The following KLHL23 variants were observed in gnomAD, a reference collection of about 807,000 sequenced individuals.
The protein encoded by KLHL23 is kelch-like protein 23.
In KLHL23, 33 loss-of-function variants were observed where a neutral mutation model predicts 48.9. That is an observed-to-expected ratio of 0.67 (90% CI 0.51 to 0.90). The LOEUF (loss-of-function observed/expected upper bound fraction) is 0.90. Ranked by LOEUF, KLHL23 falls within the 40% of genes least tolerant of loss-of-function variation. The pLI is 0.00. For missense variants in KLHL23, 608 were observed against 669.6 expected (o/e 0.91, Z 1.02); for synonymous variants, 234 against 231.6 (o/e 1.01, Z -0.09).
intron 2 of KLHL23, among the ~76,000 whole-genome samples, chr2:169,738,848 CTTCCTCACCCT>C (rs1688588224): frequency 7.5e-4 from 3 of 4,020 alleles, no homozygotes; most frequent in African/African-American, 1.1e-3. Context: ...TCCCCCTCCC[CTTCCTCACCCT>C]CCCCTCTCTT....
rs908233237 is a variant in KLHL23 at position 169,751,800 on chromosome 2, C to T, written c.*2068C>T. On this transcript the variant is annotated 3_prime_UTR_variant, in exon 4 of 4. Coordinates refer to ENST00000392647, the MANE Select transcript of KLHL23 (RefSeq NM_144711.6). ...AAACAAATTCATTGTGTTAGTGTAG[C>T]GGGATATGGAATGACTTTATTTATT... 4.6e-5 allele frequency: 7 copies of T among 152,026 alleles called. No homozygotes were observed. Among genetic ancestry groups the T allele is most frequent in the African/African-American group, 1.4e-4 (6 of 41,386 alleles). 9.4% of individuals were successfully genotyped at this position (152,026 alleles called of 1,614,324 possible). A position where few individuals can be genotyped will look rare whatever the true frequency, so the allele number is the denominator to read the frequency against.
intron 3 of KLHL23, among the ~76,000 whole-genome samples, chr2:169,745,381 C>T (rs1490712479): frequency 3.9e-5 from 6 of 151,904 alleles, no homozygotes; most frequent in East Asian, 1.9e-4. Flanking sequence ...GGCATGGTGG[C>T]GGGCACCTGT....
chr2:169,741,342 A>G (rs1688672191), intron 2 of KLHL23, 43 bp from the exon 3 acceptor site: 2 of 1,565,020 alleles, frequency 1.3e-6, no homozygotes, highest in African/African-American at 1.4e-5. Context: ...TGCAAAAAAG[A>G]ACAAAAGATC....
chr2:169,736,327 A>C, intron 2 of KLHL23, 100 bp downstream of exon 2: 1 of 1,437,806 alleles, frequency 7.0e-7, no homozygotes, highest in Non-Finnish European at 9.3e-7. Context: ...GCTATCTAGG[A>C]ACTATAGTTA....
At chr2:169,736,586 C>A (rs182080381) in intron 2 of KLHL23, among the ~76,000 whole-genome samples, 10 of 152,280 alleles carry the variant, frequency 6.6e-5, no homozygotes, top group Admixed American at 6.5e-4. Flanking sequence ...AAGGTTTGGT[C>A]CCTACAGGAT....
intron 2 of KLHL23, among the ~76,000 whole-genome samples, chr2:169,740,766 TTATATATATA>T (rs55779546): frequency 8.0e-6 from 1 of 125,516 alleles, no homozygotes; most frequent in African/African-American, 3.0e-5. Flanking sequence ...CTTTTTTATA[TTATATATATA>T]TATATATATA....
chr2:169,741,648 C>T, intron 3 of KLHL23, 111 bp downstream of exon 3: 6 of 1,301,220 alleles, frequency 4.6e-6, no homozygotes, highest in Non-Finnish European at 1.0e-6. Flanking sequence ...GTAGACTACA[C>T]ATGGGTAGAA....
At chr2:169,738,227 A>G (rs1455113706) in intron 2 of KLHL23, among the ~76,000 whole-genome samples, 2 of 152,042 alleles carry the variant, frequency 1.3e-5, no homozygotes, top group Non-Finnish European at 2.9e-5. Context: ...TGGTGGGTGG[A>G]CTCATACAGA....
At chr2:169,734,642 G>A (rs1016612899) in intron 1 of KLHL23, among the ~76,000 whole-genome samples, 4 of 152,204 alleles carry the variant, frequency 2.6e-5, no homozygotes, top group African/African-American at 2.4e-5. Context: ...GGTTGAATTG[G>A]GGCCGAGCCG....
chr2:169,736,096 A>G lies in KLHL23; in HGVS notation c.1082A>G (p.Tyr361Cys), dbSNP rs1341558932. 1.9e-6 allele frequency: 3 copies of G among 1,614,192 alleles called. No homozygotes were observed. Among genetic ancestry groups the G allele is most frequent in the Admixed American group, 3.3e-5 (2 of 60,022 alleles). ...EGLPMLNARYYHCAVTLGGCV... is the reference protein window; with the variant it reads ...EGLPMLNARYCHCAVTLGGCV... ...TTGCCAATGCTCAATGCCAGGTATTACCACTGTGCAGTCACCTTGGGTGGC... is the reference window on the plus strand; with the variant it reads ...TTGCCAATGCTCAATGCCAGGTATTGCCACTGTGCAGTCACCTTGGGTGGC... Residue 361 changes from tyrosine (Y) to cysteine (C), a missense_variant, in exon 2 of 4, where the codon TAC becomes TGC. This residue lies in a region of KLHL23 where 419 missense variants were observed against 473.1 expected (regional missense o/e 0.89). Coordinates refer to ENST00000392647, the MANE Select transcript of KLHL23 (RefSeq NM_144711.6).
chr2:169,736,197 A>G lies in KLHL23; in HGVS notation c.1183A>G (p.Lys395Glu). 3.1e-6 allele frequency: 5 copies of G among 1,609,404 alleles called. No individual in the cohort carries two copies. The highest frequency in any genetic ancestry group is 4.2e-6 in the Non-Finnish European group (5 of 1,178,410). ...EAEFYDPLKE[K>E]WIPIANMIKG... ...TGAGTTCTATGATCCTTTAAAAGAGAAATGGATTCCTATTGCAAACATGAT... is the reference window on the plus strand; with the variant it reads ...TGAGTTCTATGATCCTTTAAAAGAGGAATGGATTCCTATTGCAAACATGAT... Residue 395 changes from lysine to glutamate, a missense_variant, in exon 2 of 4, where the codon AAA (lysine) becomes GAA (glutamate). Physicochemically the swap from Lys to Glu is moderately conservative, Grantham distance 56 (BLOSUM62 1). Coordinates refer to ENST00000392647, the MANE Select transcript of KLHL23 (RefSeq NM_144711.6).
intron 2 of KLHL23, among the ~76,000 whole-genome samples, chr2:169,740,713 G>T (rs917485617): frequency 3.4e-5 from 5 of 147,662 alleles, no homozygotes; most frequent in African/African-American, 5.0e-5. Context: ...CTCCCAAAGT[G>T]CTGGGATTAC....
intron 2 of KLHL23, among the ~76,000 whole-genome samples, chr2:169,736,682 T>C (rs1475890741): frequency 6.6e-6 from 1 of 152,060 alleles, no homozygotes; most frequent in East Asian, 1.9e-4. Context: ...CACCATACTC[T>C]CCCTCATGTG....
chr2:169,749,839 A>T lies in KLHL23; in HGVS notation c.*107A>T. ...ACCTGATAATTGTGTCTGGCACATG[A>T]TAGGGGATCAGTAAATTGTAATTCC... On this transcript the variant is annotated 3_prime_UTR_variant, in exon 4 of 4. Coordinates refer to ENST00000392647, the MANE Select transcript of KLHL23 (RefSeq NM_144711.6). 7.4e-7 allele frequency: 1 copy of T among 1,349,218 alleles called. No homozygotes were observed. The highest frequency in any genetic ancestry group is 1.0e-6 in the Non-Finnish European group (1 of 1,000,504). 83.6% of individuals were successfully genotyped at this position (1,349,218 alleles called of 1,614,324 possible). A position where few individuals can be genotyped will look rare whatever the true frequency, so the allele number is the denominator to read the frequency against.
At chr2:169,749,178 A>G (rs933553721) in intron 3 of KLHL23, among the ~76,000 whole-genome samples, 3 of 152,162 alleles carry the variant, frequency 2.0e-5, no homozygotes, top group African/African-American at 4.8e-5. Flanking sequence ...CTGGCCTCCT[A>G]CAGAGCCAGC....
intron 3 of KLHL23, among the ~76,000 whole-genome samples, chr2:169,741,988 A>G (rs956822317): frequency 2.6e-5 from 4 of 152,228 alleles, no homozygotes; most frequent in African/African-American, 9.6e-5. Context: ...CTTACTATTA[A>G]GCACTCACTC....
chr2:169,736,857 G>T (rs1256176331), intron 2 of KLHL23, among the ~76,000 whole-genome samples: 1 of 152,226 alleles, frequency 6.6e-6, no homozygotes, highest in Non-Finnish European at 1.5e-5. Flanking sequence ...CTGAGGAGTT[G>T]TACAAAAACA....
intron 3 of KLHL23, 137 bp from the exon 4 acceptor site, chr2:169,749,285 G>T: frequency 1.1e-6 from 1 of 914,500 alleles, no homozygotes; most frequent in Non-Finnish European, 1.6e-6. Context: ...GCAGTATTGT[G>T]TGCCTGAATC....
chr2:169,748,519 G>T (rs77499155), intron 3 of KLHL23, among the ~76,000 whole-genome samples: 6,457 of 152,204 alleles, frequency 0.042, 416 homozygotes, highest in African/African-American at 0.14. Context: ...AGAAAACAGG[G>T]CAGAGACCAG....
Sources: allele counts gnomAD v4.1 joint callset (sites outside exome capture counted in the v4.1 genomes callset), GRCh38; gene constraint gnomAD v4.1.1; regional missense constraint gnomAD v4.1.1; transcripts MANE v1.5; gene names NCBI Gene and HGNC (gene_info 2026-07-23, HGNC 2026-07-21).